USH2A: variants seen among roughly 807,000 people sequenced by gnomAD.
USH2A encodes the protein Usher syndrome 2A (autosomal recessive, mild).
Under a neutral mutation model 538.9 loss-of-function variants are expected in USH2A, and 443 were observed. The ratio of observed to expected loss-of-function variants is 0.82; its 90% CI spans 0.76 to 0.89. The LOEUF is 0.89. Ranked by LOEUF, USH2A falls within the 40% of genes least tolerant of loss-of-function variation. The probability of loss-of-function intolerance (pLI) is 0.00; values close to 1 mark genes in which losing one functional copy is unlikely to be tolerated. For missense variants in USH2A, 6,633 were observed against 6,324.8 expected (o/e 1.05, Z -1.65); for synonymous variants, 2,413 against 2,273.5 (o/e 1.06, Z -1.75).
chr1:215,716,444 TA>T (rs1390766967), intron 61 of USH2A, among the ~76,000 whole-genome samples: 2 of 152,098 alleles, frequency 1.3e-5, no homozygotes, highest in Non-Finnish European at 2.9e-5. Flanking sequence ...ATAACCATCC[TA>T]AAAAAACACA....
At chr1:215,758,411 G>A (rs771685781) in intron 58 of USH2A, among the ~76,000 whole-genome samples, 184 bp downstream of exon 58, 12 of 151,632 alleles carry the variant, frequency 7.9e-5, no homozygotes, top group Non-Finnish European at 1.2e-4. Context: ...ATATCTCTAC[G>A]TATGTATGTA....
intron 3 of USH2A, among the ~76,000 whole-genome samples, chr1:216,414,051 T>G (rs1199553594): frequency 6.6e-6 from 1 of 152,138 alleles, no homozygotes; most frequent in Non-Finnish European, 1.5e-5. Context: ...TTTTACATAT[T>G]TCAAAACTTT....
chr1:216,199,761 C>A lies in USH2A; in HGVS notation c.3677G>T (p.Gly1226Val). 6.2e-7 allele frequency: 1 copy of A among 1,614,070 alleles called. No homozygotes were observed. Among genetic ancestry groups the A allele is most frequent in the Non-Finnish European group, 8.5e-7 (1 of 1,179,994 alleles). Reference protein sequence around the residue: ...YDFSVQACTSGGCLHSLPITV... With the variant: ...YDFSVQACTSVGCLHSLPITV... ...AATGGGCAAGCTGTGTAAACAGCCC[C>A]CGCTAGTACACGCCTGTACAGAAAA... Residue 1226 changes from glycine (G) to valine (V), a missense_variant, in exon 17 of 72, where the codon GGG becomes GTG. Physicochemically the swap from Gly to Val is moderately radical, Grantham distance 109. Coordinates refer to ENST00000307340, the MANE Select transcript of USH2A (RefSeq NM_206933.4).
intron 61 of USH2A, among the ~76,000 whole-genome samples, chr1:215,722,927 A>C (rs1232334379): frequency 6.6e-6 from 1 of 152,222 alleles, no homozygotes; most frequent in Non-Finnish European, 1.5e-5. Flanking sequence ...GATGCCAGTG[A>C]GAAAAAGCAA....
intron 40 of USH2A, 151 bp downstream of exon 40, chr1:215,899,924 C>A (rs961068898): frequency 7.1e-6 from 8 of 1,119,918 alleles, no homozygotes; most frequent in Non-Finnish European, 1.0e-5. Context: ...AGACTGACCA[C>A]CTTTGCTCAC....
At chr1:215,677,247 G>C (rs73095776) in intron 62 of USH2A, among the ~76,000 whole-genome samples, 1,750 of 152,214 alleles carry the variant, frequency 0.011, 40 homozygotes, top group African/African-American at 0.04. Flanking sequence ...CCTAAGCGCT[G>C]TATCCCATCC....
chr1:215,778,352 T>A (rs1387091403), intron 55 of USH2A, among the ~76,000 whole-genome samples: 1 of 152,146 alleles, frequency 6.6e-6, no homozygotes, highest in Non-Finnish European at 1.5e-5. Flanking sequence ...GCACCCAGCC[T>A]CAACACTATC....
At chr1:215,627,413 C>CTTCCTTCCTTCCTTCCTTCT (rs1656073965) in intron 71 of USH2A, among the ~76,000 whole-genome samples, 1 of 109,086 alleles carries the variant, frequency 9.2e-6, no homozygotes, top group Non-Finnish European at 2.0e-5. Context: ...TCCTTCCTTC[C>CTTCCTTCCTTCCTTCCTTCT]TTCCTTCCTT....
intron 37 of USH2A, among the ~76,000 whole-genome samples, chr1:215,948,126 T>C (rs1411454298): frequency 6.6e-6 from 1 of 152,052 alleles, no homozygotes; most frequent in African/African-American, 2.4e-5. Context: ...AATCTCAAGA[T>C]TTTTGTTCCC....
chr1:215,851,941 A>G (rs1664029088), intron 44 of USH2A, among the ~76,000 whole-genome samples: 1 of 152,200 alleles, frequency 6.6e-6, no homozygotes, highest in East Asian at 1.9e-4. Flanking sequence ...CAAAAATCAC[A>G]TGATCATCTC....
intron 11 of USH2A, among the ~76,000 whole-genome samples, chr1:216,286,624 C>T (rs549854896): frequency 1.8e-4 from 28 of 151,900 alleles, no homozygotes; most frequent in East Asian, 5.8e-4. Flanking sequence ...TTCAGGAGGC[C>T]GAGGCAGGAG....
intron 38 of USH2A, among the ~76,000 whole-genome samples, chr1:215,931,051 A>G (rs12069179): frequency 6.6e-6 from 1 of 151,976 alleles, no homozygotes; most frequent in African/African-American, 2.4e-5. Context: ...GTGCAGAAGT[A>G]GGGAAGGATC....
chr1:215,963,741 A>T (rs1667260851), intron 37 of USH2A, among the ~76,000 whole-genome samples: 1 of 152,114 alleles, frequency 6.6e-6, no homozygotes, highest in Non-Finnish European at 1.5e-5. Context: ...GAGTCCCTTG[A>T]TCACCCCTGT....
At chr1:216,209,252 G>C (rs1361184727) in intron 15 of USH2A, among the ~76,000 whole-genome samples, 1 of 152,216 alleles carries the variant, frequency 6.6e-6, no homozygotes, top group Non-Finnish European at 1.5e-5. Flanking sequence ...GAGGGATGCA[G>C]TTAGCTTGAG....
chr1:216,057,323 C>T (rs758554731), intron 30 of USH2A, among the ~76,000 whole-genome samples: 32 of 151,924 alleles, frequency 2.1e-4, no homozygotes, highest in Non-Finnish European at 2.1e-4. Flanking sequence ...ATGTCATAGG[C>T]CATATTTTCG....
chr1:215,852,034 T>A (rs1474758921), intron 44 of USH2A, among the ~76,000 whole-genome samples: 2 of 152,156 alleles, frequency 1.3e-5, no homozygotes, highest in African/African-American at 4.8e-5. Flanking sequence ...AGAAAGGACA[T>A]ACTTTAATGT....
chr1:216,102,067 G>A (rs1296795172), intron 21 of USH2A, among the ~76,000 whole-genome samples: 2 of 152,062 alleles, frequency 1.3e-5, no homozygotes, highest in Non-Finnish European at 2.9e-5. Flanking sequence ...ATTAGACCAT[G>A]TTAGAATTAA....
At chr1:216,403,898 C>G (rs1305368543) in intron 3 of USH2A, among the ~76,000 whole-genome samples, 8 of 152,076 alleles carry the variant, frequency 5.3e-5, no homozygotes, top group Non-Finnish European at 1.0e-4. Flanking sequence ...GATCTGATGG[C>G]TTAATAAGGG....
At chr1:215,813,943 A>C (rs1571712708) in intron 48 of USH2A, 39 bp from the exon 49 acceptor site, 2 of 1,604,898 alleles carry the variant, frequency 1.2e-6, no homozygotes, top group African/African-American at 2.7e-5. Flanking sequence ...ATATCAGTTT[A>C]GTTAAGAGTG....
Sources: allele counts gnomAD v4.1 joint callset (sites outside exome capture counted in the v4.1 genomes callset), GRCh38; gene constraint gnomAD v4.1.1; transcripts MANE v1.5; gene names NCBI Gene and HGNC (gene_info 2026-07-23, HGNC 2026-07-21).